The following CNTN4 variants were observed in gnomAD, a reference collection of about 807,000 sequenced individuals.
CNTN4 encodes contactin-4.
Under a neutral mutation model 122.5 loss-of-function variants are expected in CNTN4, and 77 were observed. The observed-to-expected ratio is 0.63, with a 90% CI of 0.52 to 0.76. The LOEUF (loss-of-function observed/expected upper bound fraction) is 0.76, where lower values mean the gene tolerates loss of function less well. CNTN4 is among the 30% of genes least tolerant of loss of function. The pLI is 0.00. For synonymous variants in CNTN4, 512 were observed against 447.0 expected (o/e 1.15, Z -1.83); for missense variants, 1,256 against 1,259.1 (o/e 1.00, Z 0.04).
At chr3:2,269,803 A>T (rs2041198211) in intron 2 of CNTN4, among the ~76,000 whole-genome samples, 1 of 152,186 alleles carries the variant, frequency 6.6e-6, no homozygotes, top group South Asian at 2.1e-4. Flanking sequence ...TCAGTAGTTC[A>T]TTGACTTTTG....
chr3:2,312,929 CAA>C (rs2042965755), intron 2 of CNTN4, among the ~76,000 whole-genome samples: 1 of 151,540 alleles, frequency 6.6e-6, no homozygotes, highest in East Asian at 1.9e-4. Context: ...AAGAACATAA[CAA>C]AAATAAAAAC....
At chr3:2,350,632 T>A (rs1033998895) in intron 3 of CNTN4, among the ~76,000 whole-genome samples, 2 of 152,180 alleles carry the variant, frequency 1.3e-5, no homozygotes, top group African/African-American at 4.8e-5. Flanking sequence ...AAGCTGTTAT[T>A]CACTGAGGGC....
intron 3 of CNTN4, among the ~76,000 whole-genome samples, chr3:2,393,427 A>G (rs1359004753): frequency 6.6e-6 from 1 of 152,146 alleles, no homozygotes; most frequent in Non-Finnish European, 1.5e-5. Flanking sequence ...CCACCTTTTA[A>G]TAGCATATGG....
Position 2,941,753 on chromosome 3 carries a change from T to C in CNTN4, c.1358+15974T>C, listed in dbSNP as rs141776031. Among the ~76,000 whole-genome samples the C allele has an allele frequency of 2.2e-4, 33 of 152,246 alleles. 1 individual carries two copies. The highest frequency in any genetic ancestry group is 7.9e-4 in the African/African-American group (33 of 41,548). On this transcript the variant is annotated intron_variant, in intron 13 of 24. Transcript: ENST00000418658. ...GAATGGTAATGGAAATCAAATCTCA[T>C]CACAAATGCTTAAGATAGAAGCTAA...
At chr3:2,206,363 A>G (rs1381344067) in intron 2 of CNTN4, among the ~76,000 whole-genome samples, 1 of 152,120 alleles carries the variant, frequency 6.6e-6, no homozygotes, top group Non-Finnish European at 1.5e-5. Context: ...AGGCAGGTCA[A>G]TGTTCATTTC....
At chr3:2,389,091 G>T (rs1327828482) in intron 3 of CNTN4, among the ~76,000 whole-genome samples, 1 of 151,952 alleles carries the variant, frequency 6.6e-6, no homozygotes, top group Non-Finnish European at 1.5e-5. Context: ...AACCTGGGAG[G>T]GGGAGGTTGC....
intron 8 of CNTN4, among the ~76,000 whole-genome samples, chr3:2,881,506 C>T (rs1178104214): frequency 1.4e-5 from 2 of 140,476 alleles, no homozygotes; most frequent in Non-Finnish European, 3.1e-5. Flanking sequence ...GAGCAAGACT[C>T]AGTCTCAAGA....
intron 3 of CNTN4, among the ~76,000 whole-genome samples, chr3:2,366,081 T>C (rs2150588712): frequency 6.6e-6 from 1 of 152,272 alleles, no homozygotes; most frequent in East Asian, 1.9e-4. Context: ...TGAATTTGGG[T>C]AATTTTATTA....
intron 3 of CNTN4, among the ~76,000 whole-genome samples, chr3:2,405,486 C>T (rs1488498175): frequency 6.6e-6 from 1 of 151,906 alleles, no homozygotes; most frequent in Non-Finnish European, 1.5e-5. Flanking sequence ...ATGAAAGAAC[C>T]CCCAATGACC....
chr3:2,702,362 G>A (rs935293968), intron 4 of CNTN4, among the ~76,000 whole-genome samples: 7 of 152,200 alleles, frequency 4.6e-5, no homozygotes, highest in African/African-American at 1.7e-4. Flanking sequence ...GTATCCGTAT[G>A]GATAAAGCAA....
At chr3:2,219,587 T>G (rs2038981349) in intron 2 of CNTN4, among the ~76,000 whole-genome samples, 2 of 152,160 alleles carry the variant, frequency 1.3e-5, no homozygotes, top group South Asian at 4.1e-4. Flanking sequence ...CTCTACCTGT[T>G]TTTTCAACCA....
intron 8 of CNTN4, among the ~76,000 whole-genome samples, chr3:2,867,695 C>T (rs1271465012): frequency 6.6e-6 from 1 of 151,878 alleles, no homozygotes; most frequent in East Asian, 2.0e-4. Context: ...TTAAAGATGT[C>T]ACTGTTTCCA....
chr3:2,616,151 C>A (rs998608944), intron 4 of CNTN4, among the ~76,000 whole-genome samples: 6 of 151,988 alleles, frequency 3.9e-5, no homozygotes, highest in African/African-American at 1.4e-4. Flanking sequence ...CCCTAACCCC[C>A]CATCCCCCCA....
At chr3:2,496,092 A>G (rs1282384104) in intron 3 of CNTN4, among the ~76,000 whole-genome samples, 4 of 152,172 alleles carry the variant, frequency 2.6e-5, no homozygotes, top group African/African-American at 7.2e-5. Context: ...TCAGCATTCT[A>G]TTTTCTGTGT....
chr3:2,819,470 A>G lies in CNTN4; in HGVS notation c.359-16A>G, dbSNP rs752415074. ...CTTTAAAGTTTAAATGCTTTTTCCC[A>G]TATTTCTCCCAACAGATCTTGACAA... On this transcript the variant is annotated splice_polypyrimidine_tract_variant and intron_variant, in intron 6 of 24. Coordinates refer to ENST00000418658, the MANE Select transcript of CNTN4 (RefSeq NM_175607.3). 17 of 1,594,830 alleles carry G rather than the reference A, an allele frequency of 1.1e-5. No individual in the cohort carries two copies. The highest frequency in any genetic ancestry group is 4.4e-5 in the South Asian group (4 of 90,656).
chr3:2,903,935 T>A (rs2094202612), intron 12 of CNTN4, among the ~76,000 whole-genome samples: 1 of 152,032 alleles, frequency 6.6e-6, no homozygotes, highest in Non-Finnish European at 1.5e-5. Flanking sequence ...AGGAAGAAAT[T>A]GAGAGATTAT....
chr3:2,549,037 C>T (rs1032598739), intron 3 of CNTN4, among the ~76,000 whole-genome samples: 6 of 152,108 alleles, frequency 3.9e-5, no homozygotes, highest in Admixed American at 3.9e-4. Context: ...TATCCTGTGA[C>T]TTTGCTGAAG....
chr3:2,177,658 G>T (rs527979161), intron 2 of CNTN4, among the ~76,000 whole-genome samples: 82 of 18,178 alleles, frequency 4.5e-3, no homozygotes, highest in African/African-American at 0.013. Flanking sequence ...GTGTGTGTTT[G>T]TGTGTGTGTG....
Position 2,170,730 on chromosome 3 carries a change from A to G in CNTN4, c.-145+70091A>G, listed in dbSNP as rs187143281. On this transcript the variant is annotated intron_variant, in intron 2 of 24. Coordinates refer to ENST00000418658, the MANE Select transcript of CNTN4 (RefSeq NM_175607.3). ...GAGGGAATGGGAGACTTTACTAGAT[A>G]TAAATATGAATGTAAAAGCCAAAAT... 1.2e-3 allele frequency among the ~76,000 whole-genome samples: 177 copies of G among 152,330 alleles called. 1 individual carries two copies. The highest frequency in any genetic ancestry group is 3.8e-3 in the Admixed American group (58 of 15,290).
Sources: allele counts gnomAD v4.1 joint callset (sites outside exome capture counted in the v4.1 genomes callset), GRCh38; gene constraint gnomAD v4.1.1; transcripts MANE v1.5; gene names NCBI Gene and HGNC (gene_info 2026-07-23, HGNC 2026-07-21).